Variants in EP400 observed in about 807,000 individuals in gnomAD.
EP400 encodes E1A-binding protein p400.
Under a neutral mutation model 354.1 loss-of-function variants are expected in EP400, and 105 were observed. The ratio of observed to expected loss-of-function variants is 0.30; its 90% confidence interval spans 0.25 to 0.35. The LOEUF (loss-of-function observed/expected upper bound fraction) is 0.35. Ranked by LOEUF, EP400 falls within the 10% of genes least tolerant of loss-of-function variation. EP400 has a pLI of 1.00. For missense variants in EP400, 3,280 were observed against 4,121.0 expected (o/e 0.80, Z 5.59); for synonymous variants, 1,646 against 1,716.9 (o/e 0.96, Z 1.02).
intron 41 of EP400, 59 bp from the exon 42 acceptor site, chr12:132,053,087 G>A: frequency 6.4e-7 from 1 of 1,564,900 alleles, no homozygotes; most frequent in Non-Finnish European, 8.8e-7. Flanking sequence ...TAGGGTACGT[G>A]GTACTTGTCT....
chr12:131,966,786 C>G (rs1227480389), intron 2 of EP400, among the ~76,000 whole-genome samples: 1 of 151,002 alleles, frequency 6.6e-6, no homozygotes, highest in East Asian at 2.0e-4. Context: ...CACCTGTAAT[C>G]CCAGCTACTT....
intron 14 of EP400, 100 bp from the exon 15 acceptor site, chr12:132,006,596 GCTTT>G: frequency 1.7e-6 from 2 of 1,184,194 alleles, no homozygotes; most frequent in South Asian, 3.2e-5. Flanking sequence ...CATTTTTGTG[GCTTT>G]CTAATTGGTT....
At position 131,979,679 on chromosome 12, in the gene EP400, C is replaced by A; in HGVS notation, c.1336-15C>A. 6.3e-7 allele frequency: 1 copy of A among 1,594,014 alleles called. No individual in the cohort carries two copies. Among genetic ancestry groups the A allele is most frequent in the African/African-American group, 1.4e-5 (1 of 73,658 alleles). On this transcript the variant is annotated splice_polypyrimidine_tract_variant and intron_variant, in intron 2 of 52. Coordinates refer to ENST00000389561, the MANE Select transcript of EP400 (RefSeq NM_015409.5). ...TTCAGTGATCAAAATCTCATTTTTT[C>A]ATCTTTTTTCCCAGCAGCAAGCCCT... is the stretch of plus-strand genomic sequence containing the variant.
Position 132,029,628 on chromosome 12 carries a change from C to G in EP400, c.5382-73C>G. 3 of 1,521,004 alleles carry G rather than the reference C, an allele frequency of 2.0e-6. No homozygotes were observed. In the East Asian group the frequency reaches 6.8e-5, roughly 34 times the overall value. The allele number at this position is 1,521,004 out of a possible 1,614,324, so 94.2% of individuals were successfully genotyped here. Reference sequence around the variant, plus strand: ...TTGGACTGTCAGAAGTCTGCCCCATCTTTCAGGAGCCCCCATGCTGGGTGA... The same window carrying G: ...TTGGACTGTCAGAAGTCTGCCCCATGTTTCAGGAGCCCCCATGCTGGGTGA... On this transcript the variant is annotated intron_variant, in intron 27 of 52. Coordinates refer to ENST00000389561, the MANE Select transcript of EP400 (RefSeq NM_015409.5). The surrounding 1 kb of genome is among the most constrained non-coding windows in gnomAD (Gnocchi z 4.7).
At chr12:131,993,292 T>C (rs1893103814) in intron 11 of EP400, among the ~76,000 whole-genome samples, 1 of 152,160 alleles carries the variant, frequency 6.6e-6, no homozygotes, top group African/African-American at 2.4e-5. Flanking sequence ...CCCAAAGTGC[T>C]AGGATTACAG....
At chr12:132,032,557 T>C (rs1894550669) in intron 30 of EP400, among the ~76,000 whole-genome samples, 1 of 152,234 alleles carries the variant, frequency 6.6e-6, no homozygotes, top group Non-Finnish European at 1.5e-5. Context: ...CTATAAATTA[T>C]CTGTTAGTAA....
rs535939663 is a variant in EP400 at position 132,036,143 on chromosome 12, C to G, written c.5952-1539C>G. Reference sequence around the variant, plus strand: ...TCACACGGAGCATTGTGGAACACACCCAGGTTCACATGGAGCATCATGGAA... The same window carrying G: ...TCACACGGAGCATTGTGGAACACACGCAGGTTCACATGGAGCATCATGGAA... On this transcript the variant is annotated intron_variant, in intron 30 of 52. Coordinates refer to ENST00000389561, the MANE Select transcript of EP400 (RefSeq NM_015409.5). Among the ~76,000 whole-genome samples the G allele has an allele frequency of 4.7e-5, 7 of 148,238 alleles. No individual in the cohort carries two copies. In the East Asian group the frequency reaches 1.2e-3, roughly 25 times the overall value.
At chr12:131,966,192 C>A (rs1257958437) in intron 2 of EP400, among the ~76,000 whole-genome samples, 1 of 152,014 alleles carries the variant, frequency 6.6e-6, no homozygotes, top group Non-Finnish European at 1.5e-5. Flanking sequence ...AAATTTAAGA[C>A]CAACCTGGGC....
Position 132,067,035 on chromosome 12 carries a change from A to G in EP400, c.8749+66A>G. ...TGGTTTCACAGGCCTCTCTGGTGGC[A>G]GTGGTCGCCAGCGACCCGTGTTCTT... is the stretch of plus-strand genomic sequence containing the variant. On this transcript the variant is annotated intron_variant, in intron 49 of 52. Coordinates refer to ENST00000389561, the MANE Select transcript of EP400 (RefSeq NM_015409.5). This position sits in a 1 kb window ranked among gnomAD's most constrained non-coding sequence, Gnocchi z 5.3. 1.4e-6 allele frequency: 2 copies of G among 1,458,114 alleles called. No homozygotes were observed. Among genetic ancestry groups the G allele is most frequent in the Non-Finnish European group, 1.8e-6 (2 of 1,105,272 alleles). 90.3% of individuals were successfully genotyped at this position (1,458,114 alleles called of 1,614,324 possible).
At chr12:132,045,683 C>A (rs758973297) in intron 38 of EP400, 44 bp from the exon 39 acceptor site, 1 of 1,610,514 alleles carries the variant, frequency 6.2e-7, no homozygotes, top group South Asian at 1.1e-5. Flanking sequence ...GACCTTCTGA[C>A]TTAGAGTGTA....
At chr12:132,030,458 A>G (rs1894451731) in intron 29 of EP400, among the ~76,000 whole-genome samples, 1 of 152,206 alleles carries the variant, frequency 6.6e-6, no homozygotes, top group South Asian at 2.1e-4. Context: ...AACAATTCCA[A>G]CCAATTTAGA....
rs1019692125 is a variant in EP400, at chr12:132,017,218, C to G, written c.3924-317C>G. On this transcript the variant is annotated intron_variant, in intron 19 of 52. Transcript: ENST00000389561. The surrounding 1 kb of genome is among the most constrained non-coding windows in gnomAD (Gnocchi z 5.0). Reference sequence around the variant, plus strand: ...CTTTACTCTGCTGCGCTCACCCTGCCCCTCACTTTGCTCATCCCCCTTGGA... The same window carrying G: ...CTTTACTCTGCTGCGCTCACCCTGCGCCTCACTTTGCTCATCCCCCTTGGA... 3.3e-5 allele frequency among the ~76,000 whole-genome samples: 5 copies of G among 152,236 alleles called. No homozygotes were observed. The highest frequency in any genetic ancestry group is 9.6e-5 in the African/African-American group (4 of 41,464).
In EP400 at chr12:131,990,219, C is replaced by T; in HGVS notation, c.2550+115C>T. On this transcript the variant is annotated intron_variant, in intron 8 of 52. Transcript: ENST00000389561. The surrounding 1 kb of genome is among the most constrained non-coding windows in gnomAD (Gnocchi z 4.2). Reference sequence around the variant, plus strand: ...TTAGGAAGCTTTCGAGCACCAGAGTCAGCAACGTGTGCACTCTCCTGGGCT... The same window carrying T: ...TTAGGAAGCTTTCGAGCACCAGAGTTAGCAACGTGTGCACTCTCCTGGGCT... The T allele has an allele frequency of 2.4e-6, 3 of 1,252,392 alleles. No individual in the cohort carries two copies. Among genetic ancestry groups the T allele is most frequent in the African/African-American group, 3.0e-5 (2 of 66,816 alleles). The allele number at this position is 1,252,392 out of a possible 1,614,324, so 77.6% of individuals were successfully genotyped here.
intron 1 of EP400, among the ~76,000 whole-genome samples, chr12:131,950,585 G>C (rs1006077815): frequency 6.6e-6 from 1 of 152,076 alleles, no homozygotes; most frequent in Admixed American, 6.5e-5. Context: ...GTTACAGTGA[G>C]GTCCGAATCC....
chr12:132,005,593 T>C (rs1399631577), intron 13 of EP400, among the ~76,000 whole-genome samples: 1 of 152,136 alleles, frequency 6.6e-6, no homozygotes, highest in East Asian at 1.9e-4. Flanking sequence ...TCATTCCAGT[T>C]GTTGGGACAG....
In EP400 at chr12:131,951,065, A is replaced by ATTTT. The variant is rs750396319; in HGVS notation, c.-36+1050_-36+1053dup. Among the ~76,000 whole-genome samples, 20 of 104,168 alleles carry ATTTT rather than the reference A, an allele frequency of 1.9e-4. No individual in the cohort carries two copies. In the East Asian group the frequency reaches 3.0e-3, roughly 16 times the overall value. The allele number at this position is 104,168 out of a possible 152,430, so 68.3% of individuals were successfully genotyped here. On this transcript the variant is annotated intron_variant, in intron 1 of 52. Transcript: ENST00000389561. ...CAGGCGCCTGCCACCACGCCTGGCT[A>ATTTT]TTTTTTTTTTTTTTTTTTTTTTTTG...
At chr12:131,958,441 T>C (rs1324832425) in intron 1 of EP400, among the ~76,000 whole-genome samples, 1 of 152,250 alleles carries the variant, frequency 6.6e-6, no homozygotes, top group African/African-American at 2.4e-5. Flanking sequence ...AAATATGCAC[T>C]TTTTAAATGT....
intron 11 of EP400, among the ~76,000 whole-genome samples, chr12:131,993,232 C>T (rs1893101528): frequency 6.6e-6 from 1 of 152,128 alleles, no homozygotes; most frequent in African/African-American, 2.4e-5. Context: ...ACCATGTTGG[C>T]CAGGCTGGTC....
At chr12:131,966,220 G>A (rs367991066) in intron 2 of EP400, among the ~76,000 whole-genome samples, 27 of 151,892 alleles carry the variant, frequency 1.8e-4, no homozygotes, top group Admixed American at 9.2e-4. Flanking sequence ...TGTGGTTCAC[G>A]CCTGAAATCC....
Sources: gnomAD v4.1 joint callset for allele counts (sites outside exome capture counted in the v4.1 genomes callset) on GRCh38, gnomAD v4.1.1 for gene constraint, Gnocchi (gnomAD v3.1) non-coding constraint, MANE v1.5 for transcripts, NCBI Gene and HGNC (gene_info 2026-07-23, HGNC 2026-07-21) for gene names.